Variants in CACNA1C observed in about 807,000 individuals in gnomAD.
The protein encoded by CACNA1C is voltage-dependent L-type calcium channel subunit alpha-1C.
CACNA1C carries 30 observed loss-of-function variants against 229.0 expected under a neutral mutation model. That is an observed-to-expected ratio of 0.13 (90% CI 0.10 to 0.18). The LOEUF is 0.18. CACNA1C is among the 10% of genes least tolerant of loss of function. The pLI, the probability that CACNA1C is intolerant of heterozygous loss-of-function variation, is 1.00. For missense variants in CACNA1C, 1,658 were observed against 2,845.0 expected, an observed-to-expected ratio of 0.58 and a Z score of 9.49; for synonymous variants, 1,114 against 1,132.5, an observed-to-expected ratio of 0.98 and a Z score of 0.33.
chr12:2,353,253 CAGA>C (rs1426067905), intron 3 of CACNA1C, among the ~76,000 whole-genome samples: 2 of 152,170 alleles, frequency 1.3e-5, no homozygotes, highest in African/African-American at 4.8e-5. Flanking sequence ...CTGGCCTATG[CAGA>C]AGTTCTCACC....
chr12:2,144,526 T>C (rs1189633957), intron 3 of CACNA1C, among the ~76,000 whole-genome samples: 3 of 151,440 alleles, frequency 2.0e-5, no homozygotes, highest in East Asian at 1.9e-4. Context: ...TAGGGCATCC[T>C]TCTATCTAAG....
chr12:2,604,762 T>G (rs944112169), intron 22 of CACNA1C, among the ~76,000 whole-genome samples: 2 of 152,216 alleles, frequency 1.3e-5, no homozygotes, highest in Non-Finnish European at 2.9e-5. Context: ...TCCCATGGCC[T>G]TGCTCTGAAT....
chr12:2,593,182 G>A, intron 18 of CACNA1C, 31 bp from the exon 19 acceptor site: 1 of 1,603,546 alleles, frequency 6.2e-7, no homozygotes, highest in East Asian at 2.2e-5. Flanking sequence ...GAGTGCTGGA[G>A]TTATTTAGAA....
At chr12:2,561,615 C>T (rs1377101460) in intron 11 of CACNA1C, among the ~76,000 whole-genome samples, 4 of 152,170 alleles carry the variant, frequency 2.6e-5, no homozygotes, top group African/African-American at 7.2e-5. Context: ...GATGAAGCAA[C>T]GGTGGAGTTT....
chr12:2,350,253 G>A (rs1260725962), intron 3 of CACNA1C, among the ~76,000 whole-genome samples: 1 of 152,184 alleles, frequency 6.6e-6, no homozygotes, highest in Non-Finnish European at 1.5e-5. Flanking sequence ...CTTCCCCAGG[G>A]GTGGGTTGTG....
chr12:2,423,112 C>T (rs773454699), intron 3 of CACNA1C, among the ~76,000 whole-genome samples: 4 of 151,592 alleles, frequency 2.6e-5, no homozygotes, highest in Admixed American at 2.6e-4. Context: ...AGATAACATC[C>T]GAGCTCCCTT....
intron 3 of CACNA1C, among the ~76,000 whole-genome samples, chr12:2,136,826 A>G (rs1387187698): frequency 6.6e-6 from 1 of 151,466 alleles, no homozygotes; most frequent in African/African-American, 2.4e-5. Flanking sequence ...TCAACCAAAC[A>G]GGCCCCCGGG....
chr12:2,235,029 C>G (rs2066784772), intron 3 of CACNA1C, among the ~76,000 whole-genome samples: 5 of 152,080 alleles, frequency 3.3e-5, no homozygotes, highest in Admixed American at 6.5e-5. Flanking sequence ...TGGTGCCAAG[C>G]AAACTCTCTT....
intron 10 of CACNA1C, among the ~76,000 whole-genome samples, chr12:2,553,582 A>G (rs2042486563): frequency 6.6e-6 from 1 of 152,226 alleles, no homozygotes; most frequent in South Asian, 2.1e-4. Flanking sequence ...ATAAATGTGC[A>G]GTCAGCCGTA....
intron 3 of CACNA1C, among the ~76,000 whole-genome samples, chr12:2,171,005 G>A (rs963660612): frequency 6.6e-6 from 1 of 152,248 alleles, no homozygotes; most frequent in Non-Finnish European, 1.5e-5. Flanking sequence ...CCCTGTGGCA[G>A]GGAGAGATGG....
intron 9 of CACNA1C, among the ~76,000 whole-genome samples, chr12:2,525,547 A>T (rs1216260695): frequency 6.6e-6 from 1 of 152,156 alleles, no homozygotes; most frequent in African/African-American, 2.4e-5. Flanking sequence ...GCCCCTTGGC[A>T]TTCCAAGGCC....
chr12:2,432,665 A>C (rs1483530452), intron 3 of CACNA1C, among the ~76,000 whole-genome samples: 4 of 152,190 alleles, frequency 2.6e-5, no homozygotes, highest in African/African-American at 9.7e-5. Flanking sequence ...AAAAGGCATA[A>C]GTGCAATCTT....
intron 3 of CACNA1C, among the ~76,000 whole-genome samples, chr12:2,272,965 G>A (rs188443347): frequency 1.1e-4 from 17 of 152,284 alleles, no homozygotes; most frequent in Middle Eastern, 3.4e-3. Context: ...AATTTTGTCC[G>A]CGTTAGAAGG....
intron 3 of CACNA1C, among the ~76,000 whole-genome samples, chr12:2,404,689 T>G (rs1179952996): frequency 6.6e-6 from 1 of 152,096 alleles, no homozygotes; most frequent in Non-Finnish European, 1.5e-5. Flanking sequence ...GCCAAGCACA[T>G]GAAGACAAAT....
At chr12:2,631,731 C>A (rs2090490330) in intron 29 of CACNA1C, among the ~76,000 whole-genome samples, 1 of 152,232 alleles carries the variant, frequency 6.6e-6, no homozygotes, top group Non-Finnish European at 1.5e-5. Flanking sequence ...CTCACCCACG[C>A]CCTGGTCAGC....
intron 3 of CACNA1C, among the ~76,000 whole-genome samples, chr12:2,428,767 G>A (rs767477097): frequency 2.6e-5 from 4 of 152,222 alleles, no homozygotes; most frequent in African/African-American, 4.8e-5. Flanking sequence ...AGTCAGAGGT[G>A]CTCTCTGCTT....
intron 16 of CACNA1C, 32 bp downstream of exon 16, chr12:2,584,649 T>A: frequency 7.3e-7 from 1 of 1,374,024 alleles, no homozygotes; most frequent in Non-Finnish European, 1.0e-6. Flanking sequence ...GGCCTGGGGC[T>A]CCAGGGCTCC....
Position 2,126,571 on chromosome 12 carries a change from A to C in CACNA1C, c.477+6141A>C, listed in dbSNP as rs540452756. 1.1e-3 allele frequency among the ~76,000 whole-genome samples: 165 copies of C among 152,372 alleles called. 1 individual carries two copies. Among genetic ancestry groups the C allele is most frequent in the African/African-American group, 3.2e-3 (133 of 41,592 alleles). Reference sequence around the variant, plus strand: ...AACAGTGCATGTACTTTCTGGAGCAAGAGCCAAGCTTGAAGTGGAGGTGGA... The same window carrying C: ...AACAGTGCATGTACTTTCTGGAGCACGAGCCAAGCTTGAAGTGGAGGTGGA... On this transcript the variant is annotated intron_variant, in intron 3 of 46. Coordinates refer to ENST00000399655, the MANE Select transcript of CACNA1C (RefSeq NM_000719.7).
At chr12:2,244,315 G>A (rs2072027061) in intron 3 of CACNA1C, among the ~76,000 whole-genome samples, 2 of 152,360 alleles carry the variant, frequency 1.3e-5, no homozygotes, top group Admixed American at 6.5e-5. Context: ...CAGGAATGCG[G>A]TGTTGACTCA....
Sources: allele counts gnomAD v4.1 joint callset (sites outside exome capture counted in the v4.1 genomes callset), GRCh38; gene constraint gnomAD v4.1.1; transcripts MANE v1.5; gene names NCBI Gene and HGNC (gene_info 2026-07-23, HGNC 2026-07-21).